DMD: variants seen among roughly 807,000 people sequenced by gnomAD.
DMD encodes the protein dystrophin.
In DMD, 63 loss-of-function variants were observed where a neutral mutation model predicts 330.1. The ratio of observed to expected loss-of-function variants is 0.19; its 90% CI spans 0.16 to 0.24. DMD has a LOEUF of 0.24. Among genes scored for constraint, DMD ranks in the 10% least tolerant of loss-of-function variants. DMD has a pLI of 1.00. For missense variants in DMD, 3,344 were observed against 2,684.1 expected (o/e 1.25, Z -5.43); for synonymous variants, 1,223 against 959.8 (o/e 1.27, Z -5.07).
intron 25 of DMD, among the ~76,000 whole-genome samples, chrX:32,462,201 A>AT (rs1355566492): frequency 9.0e-6 from 1 of 111,220 alleles, no homozygotes; most frequent in Non-Finnish European, 1.9e-5. Context: ...TATACACTAG[A>AT]TTTTTTCCTA....
chrX:32,061,997 G>A (rs2096228700), intron 44 of DMD, among the ~76,000 whole-genome samples: 2 of 110,834 alleles, frequency 1.8e-5, no homozygotes, highest in Middle Eastern at 4.7e-3. Flanking sequence ...ATCATTTCAC[G>A]GAATAATATA....
At chrX:33,202,903 T>C (rs2051360922) in intron 1 of DMD, among the ~76,000 whole-genome samples, 1 of 111,771 alleles carries the variant, frequency 8.9e-6, no homozygotes, top group East Asian at 2.8e-4. Context: ...TTATAAGCAA[T>C]TAAAAACCTA....
At chrX:33,005,297 C>CACACACACACAT (rs1557201282) in intron 2 of DMD, among the ~76,000 whole-genome samples, 2 of 104,068 alleles carry the variant, frequency 1.9e-5, no homozygotes, top group Non-Finnish European at 3.9e-5. Flanking sequence ...CACACACACG[C>CACACACACACAT]ATATATATAT....
intron 44 of DMD, among the ~76,000 whole-genome samples, chrX:32,110,447 A>G (rs2096584375): frequency 8.9e-6 from 1 of 112,027 alleles, no homozygotes; most frequent in South Asian, 3.7e-4. Flanking sequence ...TTATCATGCA[A>G]CAGTGTGTGA....
chrX:32,998,378 A>C (rs1257868276), intron 2 of DMD, among the ~76,000 whole-genome samples: 1 of 106,466 alleles, frequency 9.4e-6, no homozygotes, highest in Admixed American at 1.0e-4. Context: ...CAAAAAAAAA[A>C]AAAAAAAAAA....
chrX:32,286,152 C>A (rs757854156), intron 43 of DMD, among the ~76,000 whole-genome samples: 1 of 111,151 alleles, frequency 9.0e-6, no homozygotes, highest in African/African-American at 3.3e-5. Flanking sequence ...AAACATAGCC[C>A]TTTTCTATAA....
Position 31,350,628 on chromosome X carries a change from TGTGTGA to T in DMD, c.9085-2000_9085-1995del, listed in dbSNP as rs1416110549. Among the ~76,000 whole-genome samples the T allele has an allele frequency of 2.8e-3, 145 of 52,669 alleles. 3 individuals are homozygous for T. In the East Asian group the frequency reaches 0.041, roughly 15 times the overall value. 45.7% of individuals were successfully genotyped at this position (52,669 alleles called of 115,157 possible). ...GTGTGTGTGTGTGTGTGTGTGTGTGTGTGTGAGAGAGAGAGAGAGAGAGAGAGAGAG... is the reference window on the plus strand; with the variant it reads ...GTGTGTGTGTGTGTGTGTGTGTGTGTGAGAGAGAGAGAGAGAGAGAGAGAG... On this transcript the variant is annotated intron_variant, in intron 60 of 78. Coordinates refer to ENST00000357033, the MANE Select transcript of DMD (RefSeq NM_004006.3).
intron 9 of DMD, among the ~76,000 whole-genome samples, chrX:32,696,936 CA>C (rs1310808358): frequency 9.0e-6 from 1 of 110,628 alleles, no homozygotes; most frequent in Non-Finnish European, 1.9e-5. Flanking sequence ...GATTAACTGC[CA>C]AATAAATTAC....
At chrX:33,042,654 T>G (rs761591023) in intron 1 of DMD, among the ~76,000 whole-genome samples, 1 of 112,651 alleles carries the variant, frequency 8.9e-6, no homozygotes, top group African/African-American at 3.2e-5. Context: ...AGTTACTGGA[T>G]TCCCAAAAGT....
chrX:33,199,966 A>G (rs1215290083), intron 1 of DMD, among the ~76,000 whole-genome samples: 1 of 112,087 alleles, frequency 8.9e-6, no homozygotes, highest in African/African-American at 3.2e-5. Flanking sequence ...AAGCTTGAAT[A>G]GAAAAATAAT....
chrX:33,247,219 A>T (rs1468187244), intron 1 of DMD, among the ~76,000 whole-genome samples: 1 of 111,783 alleles, frequency 8.9e-6, no homozygotes, highest in Non-Finnish European at 1.9e-5. Context: ...TAAGACAGCC[A>T]GGGGTTGATA....
chrX:31,631,550 G>A (rs1377037724), intron 54 of DMD, among the ~76,000 whole-genome samples: 1 of 111,263 alleles, frequency 9.0e-6, no homozygotes, highest in Non-Finnish European at 1.9e-5. Context: ...AGGAAGGAGA[G>A]GCGGAGGGTT....
chrX:32,525,926 T>C, intron 17 of DMD, among the ~76,000 whole-genome samples: 1 of 112,215 alleles, frequency 8.9e-6, no homozygotes, highest in East Asian at 2.8e-4. Flanking sequence ...TCTGTACATG[T>C]ATTTTTGCTT....
chrX:31,544,860 C>T (rs1477629942), intron 55 of DMD, among the ~76,000 whole-genome samples: 1 of 111,172 alleles, frequency 9.0e-6, no homozygotes, highest in Non-Finnish European at 1.9e-5. Flanking sequence ...TTCGGGTTCT[C>T]AGAAAACAGG....
At chrX:31,897,251 C>G (rs753447765) in intron 47 of DMD, among the ~76,000 whole-genome samples, 1 of 112,052 alleles carries the variant, frequency 8.9e-6, no homozygotes, top group South Asian at 3.7e-4. Context: ...AGGACATGAA[C>G]TCATCCTTTT....
intron 1 of DMD, among the ~76,000 whole-genome samples, chrX:33,304,679 C>T (rs1422646795): frequency 6.9e-5 from 7 of 101,641 alleles, no homozygotes; most frequent in African/African-American, 2.1e-4. Context: ...TGACAAAGGG[C>T]TAATATCCAG....
intron 53 of DMD, among the ~76,000 whole-genome samples, chrX:31,659,185 G>A (rs915792147): frequency 9.0e-6 from 1 of 111,692 alleles, no homozygotes; most frequent in Non-Finnish European, 1.9e-5. Context: ...GCTGGGGACC[G>A]TTATCTATTA....
chrX:32,205,043 C>CACACACACACACA (rs1569550759), intron 44 of DMD, among the ~76,000 whole-genome samples: 3 of 33,524 alleles, frequency 8.9e-5, no homozygotes, highest in African/African-American at 2.4e-4. Context: ...ACACACACAC[C>CACACACACACACA]CACACACACA....
chrX:32,966,236 G>T (rs1215073770), intron 2 of DMD, among the ~76,000 whole-genome samples: 1 of 111,892 alleles, frequency 8.9e-6, no homozygotes, highest in Non-Finnish European at 1.9e-5. Context: ...CAACATATTA[G>T]CTTTCATGCC....
Sources: allele counts gnomAD v4.1 joint callset (sites outside exome capture counted in the v4.1 genomes callset), GRCh38; gene constraint gnomAD v4.1.1; transcripts MANE v1.5; gene names NCBI Gene and HGNC (gene_info 2026-07-23, HGNC 2026-07-21).